Variants in SLC14A2 observed in about 807,000 individuals in gnomAD.
SLC14A2 encodes the protein urea transporter 2.
In SLC14A2, 91 loss-of-function variants were observed where a neutral mutation model predicts 104.6. The observed-to-expected ratio is 0.87, with a 90% confidence interval of 0.73 to 1.04. The LOEUF (loss-of-function observed/expected upper bound fraction) is 1.04. Ranked by LOEUF, SLC14A2 falls within the 50% of genes least tolerant of loss-of-function variation. The probability of loss-of-function intolerance (pLI) is 0.00; values close to 1 mark genes in which losing one functional copy is unlikely to be tolerated. For synonymous variants in SLC14A2, 476 were observed against 466.4 expected (o/e 1.02, Z -0.27); for missense variants, 1,189 against 1,156.0 (o/e 1.03, Z -0.41).
chr18:45,622,173 G>A (rs1241416206), intron 1 of SLC14A2, among the ~76,000 whole-genome samples: 3 of 152,154 alleles, frequency 2.0e-5, no homozygotes, highest in Non-Finnish European at 4.4e-5. Flanking sequence ...AGAAACCTGG[G>A]AAAAAGTAGG....
At chr18:45,605,228 T>C (rs1336785038) in intron 2 of SLC14A2, among the ~76,000 whole-genome samples, 1 of 152,168 alleles carries the variant, frequency 6.6e-6, no homozygotes, top group Non-Finnish European at 1.5e-5. Context: ...GCCAGGCTAG[T>C]AAAGCTTGAT....
chr18:45,303,225 C>T (rs2144195875), intron 1 of SLC14A2, among the ~76,000 whole-genome samples: 1 of 152,258 alleles, frequency 6.6e-6, no homozygotes, highest in South Asian at 2.1e-4. Flanking sequence ...GGTACAGAAA[C>T]AGCTGGCTTG....
intron 1 of SLC14A2, among the ~76,000 whole-genome samples, chr18:45,461,560 A>G (rs2087045677): frequency 6.6e-6 from 1 of 152,210 alleles, no homozygotes; most frequent in African/African-American, 2.4e-5. Context: ...ATTTGAGATC[A>G]AAGTGCCTAG....
chr18:45,365,048 G>A (rs566249855), intron 1 of SLC14A2, among the ~76,000 whole-genome samples: 1 of 152,238 alleles, frequency 6.6e-6, no homozygotes, highest in East Asian at 1.9e-4. Context: ...AATCCTCTCT[G>A]ATTGAAAGAG....
At chr18:45,491,343 C>A (rs1443529598) in intron 2 of SLC14A2, among the ~76,000 whole-genome samples, 1 of 151,984 alleles carries the variant, frequency 6.6e-6, no homozygotes, top group Non-Finnish European at 1.5e-5. Context: ...ATTAATATAC[C>A]ATTTACACAC....
chr18:45,202,961 C>T, the SLC14A2 span, among the ~76,000 whole-genome samples: 1 of 152,108 alleles, frequency 6.6e-6, no homozygotes, highest in Non-Finnish European at 1.5e-5. Flanking sequence ...CCAAGCAGAA[C>T]CAGAGTGGTC....
In SLC14A2 at chr18:45,594,423, C is replaced by T. The variant is rs141209215; in HGVS notation, c.-34-30208C>T. Among the ~76,000 whole-genome samples, 187 of 152,202 alleles carry T rather than the reference C, an allele frequency of 1.2e-3. 2 individuals carry two copies. Among genetic ancestry groups the T allele is most frequent in the African/African-American group, 3.9e-3 (164 of 41,548 alleles). ...GACTCATCTGGTCAGAAAATGGCACCGCAGGTTTTCTCCGTGAACTTCAAT... is the reference window on the plus strand; with the variant it reads ...GACTCATCTGGTCAGAAAATGGCACTGCAGGTTTTCTCCGTGAACTTCAAT... On this transcript the variant is annotated intron_variant, in intron 2 of 20. Coordinates refer to the SLC14A2 transcript ENST00000586448.
At chr18:45,474,431 G>C (rs1189781565) in intron 1 of SLC14A2, among the ~76,000 whole-genome samples, 1 of 152,154 alleles carries the variant, frequency 6.6e-6, no homozygotes, top group African/African-American at 2.4e-5. Context: ...CCTACTGTTT[G>C]GAATAGTTTC....
At chr18:45,432,696 C>T (rs887972268) in intron 1 of SLC14A2, among the ~76,000 whole-genome samples, 18 of 152,112 alleles carry the variant, frequency 1.2e-4, no homozygotes, top group African/African-American at 4.1e-4. Context: ...AGACCTGGAC[C>T]GCATCAACCC....
intron 1 of SLC14A2, among the ~76,000 whole-genome samples, chr18:45,261,798 A>G (rs2084541162): frequency 6.6e-6 from 1 of 152,186 alleles, no homozygotes; most frequent in African/African-American, 2.4e-5. Context: ...TTCTTAATCC[A>G]GTCTATCATT....
intron 1 of SLC14A2, among the ~76,000 whole-genome samples, chr18:45,405,845 G>A (rs950246866): frequency 6.7e-6 from 1 of 149,780 alleles, no homozygotes; most frequent in Admixed American, 6.7e-5. Flanking sequence ...GTTGCAGTGA[G>A]CTGAAATCTC....
At chr18:45,415,582 G>A (rs1012477508) in intron 1 of SLC14A2, among the ~76,000 whole-genome samples, 1 of 152,142 alleles carries the variant, frequency 6.6e-6, no homozygotes, top group African/African-American at 2.4e-5. Flanking sequence ...ACTTCAATGG[G>A]CTCAACTGTT....
upstream of SLC14A2, among the ~76,000 whole-genome samples, chr18:45,212,570 T>C (rs1402522035): frequency 6.6e-6 from 1 of 152,190 alleles, no homozygotes; most frequent in East Asian, 1.9e-4. Flanking sequence ...TTATTTATTG[T>C]AATAATGGCC....
intron 1 of SLC14A2, among the ~76,000 whole-genome samples, chr18:45,389,359 G>A (rs1219863238): frequency 1.3e-5 from 2 of 152,172 alleles, no homozygotes; most frequent in Non-Finnish European, 2.9e-5. Flanking sequence ...TTGGAGCCAA[G>A]TAACATAGCT....
chr18:45,480,188 C>T (rs1229468582), intron 1 of SLC14A2, among the ~76,000 whole-genome samples: 1 of 152,210 alleles, frequency 6.6e-6, no homozygotes, highest in Non-Finnish European at 1.5e-5. Context: ...ATGCTCATTT[C>T]TGATTTGCTT....
chr18:45,546,765 G>A (rs1312819439), intron 2 of SLC14A2, among the ~76,000 whole-genome samples: 2 of 152,136 alleles, frequency 1.3e-5, no homozygotes, highest in Non-Finnish European at 2.9e-5. Flanking sequence ...TACCTCATGA[G>A]GTTGTAATGC....
At chr18:45,285,671 C>G (rs891518279) in intron 1 of SLC14A2, among the ~76,000 whole-genome samples, 78 of 143,204 alleles carry the variant, frequency 5.4e-4, no homozygotes, top group Non-Finnish European at 5.4e-4. Flanking sequence ...GCCCCCCCCC[C>G]CCCTCGGCCT....
intron 1 of SLC14A2, among the ~76,000 whole-genome samples, chr18:45,290,841 A>G (rs780414256): frequency 1.3e-5 from 2 of 152,186 alleles, no homozygotes; most frequent in Admixed American, 6.5e-5. Flanking sequence ...TTATATTTCT[A>G]TGGAAAATAG....
chr18:45,382,366 A>G (rs1012895627), intron 1 of SLC14A2, among the ~76,000 whole-genome samples: 1 of 152,218 alleles, frequency 6.6e-6, no homozygotes, highest in African/African-American at 2.4e-5. Flanking sequence ...GGCAGAATCT[A>G]TTGAGCAGTA....
Sources: gnomAD v4.1 joint callset for allele counts (sites outside exome capture counted in the v4.1 genomes callset) on GRCh38, gnomAD v4.1.1 for gene constraint, MANE v1.5 for transcripts, NCBI Gene and HGNC (gene_info 2026-07-23, HGNC 2026-07-21) for gene names.